The following FXR1 variants were observed in gnomAD, a reference collection of about 807,000 sequenced individuals.
FXR1 encodes the protein RNA-binding protein FXR1.
FXR1 carries 15 observed loss-of-function variants against 84.0 expected under a neutral mutation model. The ratio of observed to expected loss-of-function variants is 0.18; its 90% CI spans 0.12 to 0.27. The LOEUF (loss-of-function observed/expected upper bound fraction) is 0.27. Among genes scored for constraint, FXR1 ranks in the 10% least tolerant of loss-of-function variants. FXR1 has a pLI of 1.00. For synonymous variants in FXR1, 245 were observed against 250.7 expected (o/e 0.98, Z 0.21); for missense variants, 480 against 774.4 (o/e 0.62, Z 4.51).
chr3:180,963,178 G>A, intron 13 of FXR1, 88 bp downstream of exon 13: 2 of 634,738 alleles, frequency 3.2e-6, no homozygotes, highest in South Asian at 2.0e-5. Context: ...CTTATAATTA[G>A]TTCATTACTC....
At chr3:180,937,901 A>G (rs1421777495) in intron 3 of FXR1, among the ~76,000 whole-genome samples, 3 of 152,110 alleles carry the variant, frequency 2.0e-5, no homozygotes, top group African/African-American at 7.2e-5. Flanking sequence ...CACCCACCCT[A>G]TCTTAAATCT....
chr3:180,965,585 C>T (rs1712720351), intron 13 of FXR1, among the ~76,000 whole-genome samples: 1 of 152,166 alleles, frequency 6.6e-6, no homozygotes, highest in Non-Finnish European at 1.5e-5. Flanking sequence ...AGCGGGGATT[C>T]CCCTTTCAGT....
intron 15 of FXR1, 25 bp downstream of exon 15, chr3:180,970,383 A>AGTAT: frequency 2.7e-6 from 1 of 366,378 alleles, no homozygotes; most frequent in Non-Finnish European, 5.3e-6. Context: ...AGGGAAGAGA[A>AGTAT]ATATATATAT....
At chr3:180,912,801 G>T in intron 1 of FXR1, 65 bp downstream of exon 1, 1 of 1,613,486 alleles carries the variant, frequency 6.2e-7, no homozygotes, top group Non-Finnish European at 8.5e-7. Flanking sequence ...GGGAGGGTTG[G>T]TGGTCCCAGA....
At chr3:180,964,993 A>G (rs1251616994) in intron 13 of FXR1, among the ~76,000 whole-genome samples, 5 of 152,106 alleles carry the variant, frequency 3.3e-5, no homozygotes, top group South Asian at 4.1e-4. Context: ...AAAATTGGTT[A>G]AAAACACGAT....
chr3:180,953,981 CT>C, intron 9 of FXR1, 141 bp downstream of exon 9: 2 of 556,686 alleles, frequency 3.6e-6, no homozygotes. Flanking sequence ...TACTTCTTTT[CT>C]TTTTTTGGTG....
At chr3:180,919,989 T>A (rs996141297) in intron 1 of FXR1, among the ~76,000 whole-genome samples, 4 of 152,308 alleles carry the variant, frequency 2.6e-5, no homozygotes, top group Non-Finnish European at 5.9e-5. Context: ...ATTTATGCTA[T>A]CAGTGTATTT....
At chr3:180,935,505 A>T (rs1720419830) in intron 3 of FXR1, among the ~76,000 whole-genome samples, 2 of 152,232 alleles carry the variant, frequency 1.3e-5, no homozygotes, top group Admixed American at 1.3e-4. Context: ...AGAACCTAGC[A>T]TTGAACGCTA....
intron 3 of FXR1, among the ~76,000 whole-genome samples, chr3:180,936,312 A>G (rs1282483315): frequency 1.3e-5 from 2 of 152,042 alleles, no homozygotes; most frequent in African/African-American, 4.8e-5. Flanking sequence ...CTGTCGCCTA[A>G]GCTGGAGTTC....
intron 15 of FXR1, chr3:180,971,163 G>A: frequency 8.4e-7 from 1 of 1,193,490 alleles, no homozygotes; most frequent in Non-Finnish European, 1.1e-6. Flanking sequence ...CAGGTAACTT[G>A]AGTGGACCTG....
At chr3:180,929,660 C>T (rs565911172) in intron 1 of FXR1, among the ~76,000 whole-genome samples, 21 of 152,304 alleles carry the variant, frequency 1.4e-4, no homozygotes, top group African/African-American at 3.1e-4. Flanking sequence ...TGTCTCCTAT[C>T]GGATTTTGGC....
At chr3:180,927,930 C>G in intron 1 of FXR1, 1 of 317,700 alleles carries the variant, frequency 3.1e-6, no homozygotes. Context: ...ACCCTCTGCC[C>G]CCTTTTCTCC....
chr3:180,917,176 A>G (rs1330646871), intron 1 of FXR1, among the ~76,000 whole-genome samples: 1 of 152,182 alleles, frequency 6.6e-6, no homozygotes, highest in Non-Finnish European at 1.5e-5. Context: ...CCACCGTGTA[A>G]CTGTCTACAA....
In FXR1 at chr3:180,975,373, G is replaced by T; in HGVS notation, c.1664G>T (p.Arg555Met). The change falls in exon 16 of 17, where the codon AGG (arginine) becomes ATG (methionine). Residue 555 changes from arginine (R) to methionine (M), a missense_variant. Arg to Met is a moderately conservative substitution (Grantham distance 91). Coordinates refer to ENST00000357559, the MANE Select transcript of FXR1 (RefSeq NM_005087.4). ...CAGAGCAGACAAAGAAACCTCCCAA[G>T]GGAAACTTTGGCTAAAAACAAGAAA... ...ESQSRQRNLP[R>M]ETLAKNKKEM... 6.6e-7 allele frequency: 1 copy of T among 1,516,200 alleles called. No individual in the cohort carries two copies. Among genetic ancestry groups the T allele is most frequent in the Non-Finnish European group, 9.1e-7 (1 of 1,103,294 alleles). 93.9% of individuals were successfully genotyped at this position (1,516,200 alleles called of 1,614,324 possible).
At chr3:180,919,396 T>C (rs1003598852) in intron 1 of FXR1, among the ~76,000 whole-genome samples, 8 of 148,846 alleles carry the variant, frequency 5.4e-5, no homozygotes, top group Non-Finnish European at 1.0e-4. Flanking sequence ...GTGATTCTCA[T>C]GCCTGAGCCA....
intron 10 of FXR1, among the ~76,000 whole-genome samples, chr3:180,960,837 G>C (rs1248760615): frequency 6.6e-6 from 1 of 152,028 alleles, no homozygotes; most frequent in Non-Finnish European, 1.5e-5. Flanking sequence ...CAGAAAACTT[G>C]ATATAAACTG....
rs1403588235 is a variant in FXR1, at chr3:180,978,402, G to C, written c.*2110G>C. ...TCTTGTCCTTTAAAAAATATAGGTA[G>C]TGCAGAATTGTGATAAATACGCATT... On this transcript the variant is annotated 3_prime_UTR_variant, in exon 17 of 17. Transcript: ENST00000357559. 1 of 152,070 alleles carries C rather than the reference G, an allele frequency of 6.6e-6. No individual in the cohort carries two copies. The highest frequency in any genetic ancestry group is 1.9e-4 in the East Asian group (1 of 5,194). The allele number at this position is 152,070 out of a possible 1,614,324, so 9.4% of individuals were successfully genotyped here. A position where few individuals can be genotyped will look rare whatever the true frequency, so the allele number is the denominator to read the frequency against.
chr3:180,928,438 C>T (rs1432947979), intron 1 of FXR1, among the ~76,000 whole-genome samples: 1 of 136,470 alleles, frequency 7.3e-6, no homozygotes, highest in Non-Finnish European at 1.5e-5. Flanking sequence ...TTAGGTCCCC[C>T]CACCCCAAAC....
At chr3:180,973,382 C>T (rs556110859) in intron 15 of FXR1, among the ~76,000 whole-genome samples, 7 of 152,264 alleles carry the variant, frequency 4.6e-5, no homozygotes, top group Admixed American at 4.6e-4. Context: ...GCACCCACCT[C>T]AAAATGGCAA....
Sources: gnomAD v4.1 joint callset for allele counts (sites outside exome capture counted in the v4.1 genomes callset) on GRCh38, gnomAD v4.1.1 for gene constraint, MANE v1.5 for transcripts, NCBI Gene and HGNC (gene_info 2026-07-23, HGNC 2026-07-21) for gene names.